Variants in STRIP1 observed in about 807,000 individuals in gnomAD.
STRIP1 encodes the protein striatin interacting protein 1.
A neutral mutation model predicts 106.2 loss-of-function variants in STRIP1; 63 were observed. The observed-to-expected ratio is 0.59, with a 90% CI of 0.48 to 0.73. The LOEUF (loss-of-function observed/expected upper bound fraction) is 0.73, where lower values mean the gene tolerates loss of function less well. Among genes scored for constraint, STRIP1 ranks in the 30% least tolerant of loss-of-function variants. STRIP1 has a pLI of 0.00. For missense variants in STRIP1, 857 were observed against 1,074.8 expected, an observed-to-expected ratio of 0.80 and a Z score of 2.83; for synonymous variants, 390 against 413.0, an observed-to-expected ratio of 0.94 and a Z score of 0.67.
At position 110,047,869 on chromosome 1, in the gene STRIP1, CGTGA is replaced by C. The variant is rs1430429757; in HGVS notation, c.1661+3_1661+6del. On this transcript the variant is annotated splice_donor_variant and splice_donor_region_variant and intron_variant, in intron 15 of 20. Coordinates refer to ENST00000369795, the MANE Select transcript of STRIP1 (RefSeq NM_033088.4). LOFTEE classifies it high-confidence loss of function. ...GCGGACGTCTTGCCTGAGGAGATGC[CGTGA>C]GTATCATTCTGTGAATGAAGCAGGT... 6.4e-7 allele frequency: 1 copy of C among 1,555,854 alleles called. No homozygotes were observed. Among genetic ancestry groups the C allele is most frequent in the Non-Finnish European group, 8.7e-7 (1 of 1,148,500 alleles).
chr1:110,048,082 A>G, intron 15 of STRIP1: 1 of 542,958 alleles, frequency 1.8e-6, no homozygotes, highest in Non-Finnish European at 3.3e-6. Context: ...TGTAGACTCT[A>G]CCACTGAGCA....
At chr1:110,039,331 T>G in intron 4 of STRIP1, 25 bp downstream of exon 4, 2 of 1,614,012 alleles carry the variant, frequency 1.2e-6, no homozygotes, top group South Asian at 2.2e-5. Context: ...TCCCCAGGGT[T>G]CCCTGGCACC....
intron 3 of STRIP1, 131 bp from the exon 4 acceptor site, chr1:110,039,041 C>G (rs1345247329): frequency 9.6e-6 from 10 of 1,044,242 alleles, no homozygotes; most frequent in Non-Finnish European, 1.3e-5. Context: ...GCAGTATGAT[C>G]TTACCACTTA....
At chr1:110,042,131 C>T (rs1652795720) in intron 8 of STRIP1, among the ~76,000 whole-genome samples, 1 of 152,184 alleles carries the variant, frequency 6.6e-6, no homozygotes, top group Non-Finnish European at 1.5e-5. Context: ...CTCCCCCAGA[C>T]AAGTTGCCTC....
At position 110,043,081 on chromosome 1, in the gene STRIP1, G is replaced by A. The variant is rs1229369901; in HGVS notation, c.886-7G>A. 1 of 1,607,088 alleles carries A rather than the reference G, an allele frequency of 6.2e-7. No individual in the cohort carries two copies. The highest frequency in any genetic ancestry group is 1.1e-5 in the South Asian group (1 of 90,020). On this transcript the variant is annotated splice_polypyrimidine_tract_variant and splice_region_variant and intron_variant, in intron 8 of 20. Coordinates refer to ENST00000369795, the MANE Select transcript of STRIP1 (RefSeq NM_033088.4). ...ACCCTGGCTCTGCTTCCCTGTCTGT[G>A]ATGCAGTGCACGCTAGGCGGCTTTG...
chr1:110,044,715 A>G (rs541696143), intron 10 of STRIP1, 125 bp from the exon 11 acceptor site: 2 of 856,654 alleles, frequency 2.3e-6, no homozygotes, highest in Non-Finnish European at 3.5e-6. Flanking sequence ...AAAGAGAAAA[A>G]CAATTATAGG....
At position 110,041,555 on chromosome 1, in the gene STRIP1, T is replaced by C; in HGVS notation, c.670T>C (p.Tyr224His). The C allele has an allele frequency of 6.2e-7, 1 of 1,613,928 alleles. No homozygotes were observed. Among genetic ancestry groups the C allele is most frequent in the South Asian group, 1.1e-5 (1 of 91,070 alleles). ...CCTCAGGGTCCTGCTCAACATCATG[T>C]ACCTGATAGTGGAGACCGTTCATCA... ...TDLRVLLNIM[Y>H]LIVETVHQEC... The change falls in exon 7 of 21, where the codon TAC (tyrosine) becomes CAC (histidine). Residue 224 changes from tyrosine to histidine, a missense_variant. Tyr to His is a moderately conservative substitution (Grantham distance 83, BLOSUM62 2). Coordinates refer to ENST00000369795, the MANE Select transcript of STRIP1 (RefSeq NM_033088.4).
intron 11 of STRIP1, 24 bp downstream of exon 11, chr1:110,044,929 T>C: frequency 6.2e-7 from 1 of 1,614,136 alleles, no homozygotes; most frequent in East Asian, 2.2e-5. Context: ...GAGTTCATTT[T>C]GCTGTTAGCT....
At chr1:110,041,945 A>G in intron 8 of STRIP1, 84 bp downstream of exon 8, 1 of 1,430,032 alleles carries the variant, frequency 7.0e-7, no homozygotes, top group Non-Finnish European at 9.6e-7. Flanking sequence ...TTGAATATTG[A>G]ATTATGTGAC....
At chr1:110,037,528 C>G (rs527560471) in intron 1 of STRIP1, among the ~76,000 whole-genome samples, 105 of 152,144 alleles carry the variant, frequency 6.9e-4, no homozygotes, top group Non-Finnish European at 9.0e-4. Context: ...ACATAGAAAC[C>G]TTGTATTTAT....
At position 110,040,634 on chromosome 1, in the gene STRIP1, G is replaced by A. The variant is rs1276293301; in HGVS notation, c.582-1G>A. ...ATGCTGACTCTCAAAATCTCCTGCAGCAACAGTGCCGCCTGCAGCAGTGCT... is the reference window on the plus strand; with the variant it reads ...ATGCTGACTCTCAAAATCTCCTGCAACAACAGTGCCGCCTGCAGCAGTGCT... On this transcript the variant is annotated splice_acceptor_variant, in intron 5 of 20. Transcript: ENST00000369795. LOFTEE classifies it high-confidence loss of function. 6.2e-7 allele frequency: 1 copy of A among 1,610,582 alleles called. No individual in the cohort carries two copies. The highest frequency in any genetic ancestry group is 8.5e-7 in the Non-Finnish European group (1 of 1,178,342).
chr1:110,043,907 C>T (rs1652895429), intron 10 of STRIP1, 51 bp downstream of exon 10: 1 of 1,537,452 alleles, frequency 6.5e-7, no homozygotes, highest in Non-Finnish European at 9.0e-7. Context: ...AGAGCCCTCA[C>T]ACCCTCAGGC....
rs777764496 is a variant in STRIP1 at position 110,043,752 on chromosome 1, G to A, written c.1182G>A (p.Glu394=). The A allele has an allele frequency of 4.3e-6, 7 of 1,614,150 alleles. No individual in the cohort carries two copies. The highest frequency in any genetic ancestry group is 5.9e-6 in the Non-Finnish European group (7 of 1,179,994). ...ENDDDNSLEG[E]TFPLERDEVM... is the part of the protein sequence containing the mutation. ...ATGATGACAACAGTCTGGAGGGGGA[G>A]ACGTTTCCCCTGGAACGGGATGAAG... Residue 394 remains glutamate, a synonymous_variant, in exon 10 of 21, where the codon GAG becomes GAA. Transcript: ENST00000369795.
Position 110,034,763 on chromosome 1 carries a change from C to T in STRIP1, c.126C>T (p.Leu42=). The change falls in exon 1 of 21, where the codon CTC becomes CTT. Residue 42 remains leucine (L), a synonymous_variant. Coordinates refer to ENST00000369795, the MANE Select transcript of STRIP1 (RefSeq NM_033088.4). ...GGGCACCGCGGGCCGCCGCGGGCCT[C>T]CTGCCTGGGGGCAAAGCCCGCGAGT... The part of the protein sequence containing the change: ...PPGAPRAAAG[L]LPGGKAREFN... 6.9e-7 allele frequency: 1 copy of T among 1,452,642 alleles called. No individual in the cohort carries two copies. The highest frequency in any genetic ancestry group is 1.4e-5 in the South Asian group (1 of 70,196). 90.0% of individuals were successfully genotyped at this position (1,452,642 alleles called of 1,614,324 possible).
At position 110,046,665 on chromosome 1, in the gene STRIP1, C is replaced by A; in HGVS notation, c.1417-15C>A. Reference sequence around the variant, plus strand: ...ATGTTTTCCCCAGCCCTTCTTTTCCCATCTCTCCCACCAGCACAAGTACAC... The same window carrying A: ...ATGTTTTCCCCAGCCCTTCTTTTCCAATCTCTCCCACCAGCACAAGTACAC... On this transcript the variant is annotated splice_polypyrimidine_tract_variant and intron_variant, in intron 12 of 20. Coordinates refer to ENST00000369795, the MANE Select transcript of STRIP1 (RefSeq NM_033088.4). The A allele has an allele frequency of 6.2e-7, 1 of 1,612,782 alleles. No homozygotes were observed. Among genetic ancestry groups the A allele is most frequent in the South Asian group, 1.1e-5 (1 of 91,058 alleles).
intron 8 of STRIP1, among the ~76,000 whole-genome samples, chr1:110,042,278 A>G (rs1652800535): frequency 6.6e-6 from 1 of 152,190 alleles, no homozygotes; most frequent in Non-Finnish European, 1.5e-5. Flanking sequence ...TCTTCAGGGT[A>G]TGGTGTCAGC....
At chr1:110,049,820 CCT>C in intron 17 of STRIP1, 1 of 442,132 alleles carries the variant, frequency 2.3e-6, no homozygotes, top group Non-Finnish European at 4.0e-6. Flanking sequence ...TACTTTCCTC[CCT>C]GTCCCTTCTG....
intron 1 of STRIP1, among the ~76,000 whole-genome samples, chr1:110,035,362 T>A (rs1020853141): frequency 6.6e-6 from 1 of 152,308 alleles, no homozygotes; most frequent in Non-Finnish European, 1.5e-5. Flanking sequence ...GGGAAACATG[T>A]CCTGTTCTTC....
chr1:110,037,188 T>G (rs1652499740), intron 1 of STRIP1, among the ~76,000 whole-genome samples: 2 of 152,210 alleles, frequency 1.3e-5, no homozygotes, highest in South Asian at 4.1e-4. Context: ...CCAGGTAGAC[T>G]GTAATTAAAC....
Sources: allele counts gnomAD v4.1 joint callset (sites outside exome capture counted in the v4.1 genomes callset), GRCh38; gene constraint gnomAD v4.1.1; transcripts MANE v1.5; gene names NCBI Gene and HGNC (gene_info 2026-07-23, HGNC 2026-07-21).